PCDH11X: variants seen among roughly 807,000 people sequenced by gnomAD.
PCDH11X encodes the protein protocadherin-11 X-linked.
PCDH11X carries 18 observed loss-of-function variants against 53.3 expected under a neutral mutation model. The ratio of observed to expected loss-of-function variants is 0.34; its 90% confidence interval spans 0.23 to 0.50. PCDH11X has a LOEUF of 0.50. Ranked by LOEUF, PCDH11X falls within the 20% of genes least tolerant of loss-of-function variation. The probability of loss-of-function intolerance (pLI) is 0.98; values close to 1 mark genes in which losing one functional copy is unlikely to be tolerated. For synonymous variants in PCDH11X, 279 were observed against 393.3 expected (o/e 0.71, Z 3.44); for missense variants, 570 against 1,032.4 (o/e 0.55, Z 6.14).
intron 9 of PCDH11X, among the ~76,000 whole-genome samples, chrX:92,426,618 T>C (rs1469258373): frequency 1.8e-5 from 2 of 108,326 alleles, no homozygotes; most frequent in African/African-American, 3.3e-5. Context: ...CAATGCTTAT[T>C]GTTGCATAAA....
intron 8 of PCDH11X, among the ~76,000 whole-genome samples, chrX:92,365,231 A>G (rs1321827218): frequency 1.1e-5 from 1 of 87,554 alleles, no homozygotes; most frequent in Non-Finnish European, 2.3e-5. Flanking sequence ...TCTTTTTTCA[A>G]TAAGTAGAAG....
intron 6 of PCDH11X, among the ~76,000 whole-genome samples, chrX:92,012,149 G>A (rs1449642537): frequency 9.1e-6 from 1 of 109,491 alleles, no homozygotes; most frequent in Non-Finnish European, 1.9e-5. Context: ...TGAAAATAAT[G>A]AAGTGGTGGT....
chrX:92,027,108 G>GTA (rs955568303), intron 6 of PCDH11X, among the ~76,000 whole-genome samples: 194 of 111,647 alleles, frequency 1.7e-3, no homozygotes, highest in African/African-American at 6.2e-3. Context: ...GTGCATATGT[G>GTA]TATATATACA....
chrX:92,329,118 A>C (rs2148501811), intron 8 of PCDH11X, among the ~76,000 whole-genome samples: 1 of 111,657 alleles, frequency 9.0e-6, no homozygotes, highest in Non-Finnish European at 1.9e-5. Flanking sequence ...TAGGAATGAA[A>C]GATTTGTTTA....
intron 6 of PCDH11X, among the ~76,000 whole-genome samples, chrX:91,990,807 A>T (rs1434489338): frequency 9.6e-6 from 1 of 103,919 alleles, no homozygotes; most frequent in African/African-American, 3.6e-5. Flanking sequence ...TGGCCTCATT[A>T]CTACTCACTG....
At chrX:91,860,788 C>T (rs1938617642) in intron 5 of PCDH11X, among the ~76,000 whole-genome samples, 2 of 111,831 alleles carry the variant, frequency 1.8e-5, no homozygotes, top group African/African-American at 3.3e-5. Flanking sequence ...TATGTTGAAC[C>T]AGCCGTGCAT....
In PCDH11X at chrX:91,848,285, C is replaced by T. The variant is rs1246947628; in HGVS notation, c.540+12241C>T. On this transcript the variant is annotated intron_variant, in intron 5 of 10. Transcript: ENST00000682573. ...TGCGATCTCGGCTCACTGCAGACTC[C>T]GCCCCATGGGGGTTCACTCTATTCT... Among the ~76,000 whole-genome samples, 3 of 109,441 alleles carry T rather than the reference C, an allele frequency of 2.7e-5. No homozygotes were observed. The South Asian group carries it at 1.2e-3, about 45-fold the overall frequency.
chrX:91,869,672 G>A (rs1292875105), intron 5 of PCDH11X, among the ~76,000 whole-genome samples: 1 of 110,836 alleles, frequency 9.0e-6, no homozygotes, highest in African/African-American at 3.3e-5. Context: ...CCAATTAAAA[G>A]CATTTAGTGA....
chrX:92,607,894 C>T (rs1263288143), intron 10 of PCDH11X, among the ~76,000 whole-genome samples: 1 of 110,723 alleles, frequency 9.0e-6, no homozygotes, highest in African/African-American at 3.3e-5. Context: ...AACTATATTC[C>T]CAACTATTTC....
rs1939693083 is a variant in PCDH11X, at chrX:91,877,801, A to C, written c.1561A>C (p.Met521Leu). 8.3e-7 allele frequency: 1 copy of C among 1,209,956 alleles called. No individual in the cohort carries two copies. The highest frequency in any genetic ancestry group is 1.8e-5 in the African/African-American group (1 of 57,124). The change falls in exon 6 of 11, where the codon ATG becomes CTG. Residue 521 changes from methionine to leucine, a missense_variant. This residue lies in a region of PCDH11X where 226 missense variants were observed against 457.5 expected (regional missense o/e 0.49). Coordinates refer to ENST00000682573, the MANE Select transcript of PCDH11X (RefSeq NM_032968.5). ...ATTCAGCCTGGATTGTCGTACAGGCATGCTGACTGTAGTGAAGAAACTAGA... is the reference window on the plus strand; with the variant it reads ...ATTCAGCCTGGATTGTCGTACAGGCCTGCTGACTGTAGTGAAGAAACTAGA... ...PEFSLDCRTG[M>L]LTVVKKLDRE...
chrX:92,590,058 C>T (rs1372426078), intron 10 of PCDH11X, among the ~76,000 whole-genome samples: 1 of 108,540 alleles, frequency 9.2e-6, no homozygotes, highest in Non-Finnish European at 1.9e-5. Flanking sequence ...CATGGCTCCA[C>T]CTGGACCAAC....
chrX:91,939,221 A>T (rs1024376791), intron 6 of PCDH11X, among the ~76,000 whole-genome samples: 18 of 111,503 alleles, frequency 1.6e-4, no homozygotes, highest in African/African-American at 5.9e-4. Flanking sequence ...GCACAGGATG[A>T]AATTCATGTT....
chrX:92,337,901 T>C (rs748478850), intron 8 of PCDH11X, among the ~76,000 whole-genome samples: 1 of 111,695 alleles, frequency 9.0e-6, no homozygotes, highest in South Asian at 3.7e-4. Flanking sequence ...GCAGATAAAG[T>C]CCCACAGCTT....
intron 5 of PCDH11X, among the ~76,000 whole-genome samples, chrX:91,844,687 T>C (rs1466154254): frequency 9.4e-6 from 1 of 106,253 alleles, no homozygotes; most frequent in East Asian, 3.0e-4. Flanking sequence ...TCTTAAAATA[T>C]CCTTTTTCAA....
chrX:92,251,223 G>A (rs1020544088), intron 7 of PCDH11X, among the ~76,000 whole-genome samples: 1 of 110,485 alleles, frequency 9.1e-6, no homozygotes, highest in African/African-American at 3.3e-5. Context: ...GTTGAACCTC[G>A]ATAATACGGT....
chrX:92,293,899 T>C (rs1288395187), intron 8 of PCDH11X, among the ~76,000 whole-genome samples: 1 of 107,871 alleles, frequency 9.3e-6, no homozygotes, highest in Non-Finnish European at 1.9e-5. Flanking sequence ...CTAGATGGGA[T>C]CCTGGGTCAG....
At chrX:92,432,191 T>A (rs2072265357) in intron 9 of PCDH11X, among the ~76,000 whole-genome samples, 1 of 110,485 alleles carries the variant, frequency 9.1e-6, no homozygotes, top group Non-Finnish European at 1.9e-5. Flanking sequence ...TTTAAAACTT[T>A]TTAAATGATT....
At chrX:92,095,142 A>G (rs183174270) in intron 6 of PCDH11X, among the ~76,000 whole-genome samples, 6 of 110,934 alleles carry the variant, frequency 5.4e-5, no homozygotes, top group African/African-American at 2.0e-4. Context: ...TGAAATTTCC[A>G]GCACAAAAAT....
chrX:92,130,707 A>C (rs2064957167), intron 6 of PCDH11X, among the ~76,000 whole-genome samples: 1 of 110,550 alleles, frequency 9.0e-6, no homozygotes, highest in Middle Eastern at 4.7e-3. Context: ...TTAAAGAAAA[A>C]AGTAGGTCTT....
Sources: gnomAD v4.1 joint callset for allele counts (sites outside exome capture counted in the v4.1 genomes callset) on GRCh38, gnomAD v4.1.1 for gene constraint, gnomAD v4.1.1 regional missense constraint, MANE v1.5 for transcripts, NCBI Gene and HGNC (gene_info 2026-07-23, HGNC 2026-07-21) for gene names.